Variants in ZFHX3 observed in about 807,000 individuals in gnomAD.
ZFHX3 encodes zinc finger homeobox 3.
ZFHX3 carries 42 observed loss-of-function variants against 279.1 expected under a neutral mutation model. The observed-to-expected ratio is 0.15, with a 90% CI of 0.12 to 0.19. The LOEUF is 0.19. ZFHX3 is among the 10% of genes least tolerant of loss of function. The pLI, the probability that ZFHX3 is intolerant of heterozygous loss-of-function variation, is 1.00. For missense variants in ZFHX3, 4,981 were observed against 4,754.0 expected (o/e 1.05, Z -1.40); for synonymous variants, 2,293 against 1,957.8 (o/e 1.17, Z -4.52).
chr16:73,643,499 C>T (rs1025326274), intron 2 of ZFHX3, among the ~76,000 whole-genome samples: 6 of 152,284 alleles, frequency 3.9e-5, no homozygotes, highest in African/African-American at 1.2e-4. Context: ...CACAGCACAC[C>T]TTTTAAAAAA....
At chr16:72,848,539 CTCTGGGCTGTCACCT>C (rs2143823831) in intron 4 of ZFHX3, among the ~76,000 whole-genome samples, 1 of 152,230 alleles carries the variant, frequency 6.6e-6, no homozygotes, top group South Asian at 2.1e-4. Context: ...GTTCCAGGCC[CTCTGGGCTGTCACCT>C]TCACTGTGGC....
At chr16:73,300,524 G>C (rs79501458) in intron 4 of ZFHX3, among the ~76,000 whole-genome samples, 1 of 150,416 alleles carries the variant, frequency 6.6e-6, no homozygotes, top group Admixed American at 6.6e-5. Context: ...TTTTTTTTTG[G>C]ACAGAATCTC....
rs879800587 is a variant in ZFHX3, at chr16:73,623,282, C to T, written c.-1547+56898G>A. Among the ~76,000 whole-genome samples, 4 of 152,098 alleles carry T rather than the reference C, an allele frequency of 2.6e-5. No homozygotes were observed. The East Asian group carries it at 5.8e-4, about 22-fold the overall frequency. Reference sequence around the variant, plus strand: ...CAATCTCCTGACCTCGTGATCCGCCCGCCTCGGCCTCCCAAAGCACTGGGA... The same window carrying T: ...CAATCTCCTGACCTCGTGATCCGCCTGCCTCGGCCTCCCAAAGCACTGGGA... On this transcript the variant is annotated intron_variant, in intron 2 of 17. Coordinates refer to the ZFHX3 transcript ENST00000641206.
chr16:73,735,478 A>T (rs1011880388), intron 1 of ZFHX3, among the ~76,000 whole-genome samples: 2 of 151,880 alleles, frequency 1.3e-5, no homozygotes, highest in East Asian at 3.9e-4. Context: ...TACTCTAGGT[A>T]TCTCAAATAA....
At position 72,787,417 on chromosome 16, in the gene ZFHX3, A is replaced by C. The variant is rs745461897; in HGVS notation, c.10859T>G (p.Val3620Gly). 61 of 1,576,556 alleles carry C rather than the reference A, an allele frequency of 3.9e-5. No homozygotes were observed. Among genetic ancestry groups the C allele is most frequent in the Non-Finnish European group, 4.8e-5 (55 of 1,157,888 alleles). Residue 3620 changes from valine to glycine, a missense_variant, in exon 10 of 10, where the codon GTG becomes GGG. Transcript: ENST00000268489. ...PHASRKSWPQ[V>G]VSRASAAKPP... Reference sequence around the variant, plus strand: ...CTTCGCTGCCGAAGCCCGGGAGACCACTTGCGGCCAAGACTTCCTGGAGGC... The same window carrying C: ...CTTCGCTGCCGAAGCCCGGGAGACCCCTTGCGGCCAAGACTTCCTGGAGGC...
At chr16:73,499,520 G>A (rs1037699557) in intron 2 of ZFHX3, 9 of 152,200 alleles carry the variant, frequency 5.9e-5, no homozygotes, top group African/African-American at 1.2e-4. Context: ...GAAGACAGCT[G>A]AATTGCCTTC....
intron 3 of ZFHX3, among the ~76,000 whole-genome samples, chr16:72,913,942 C>T (rs2039380393): frequency 6.6e-6 from 1 of 152,176 alleles, no homozygotes; most frequent in African/African-American, 2.4e-5. Context: ...TAATCCCCAC[C>T]ACAGCCAGAT....
chr16:73,789,782 G>T (rs1217779348), intron 1 of ZFHX3, among the ~76,000 whole-genome samples: 2 of 151,934 alleles, frequency 1.3e-5, no homozygotes, highest in Non-Finnish European at 2.9e-5. Flanking sequence ...TTTCTAAAAT[G>T]GACACTCAAG....
At chr16:73,569,873 G>A (rs2143804271) in intron 2 of ZFHX3, among the ~76,000 whole-genome samples, 1 of 152,150 alleles carries the variant, frequency 6.6e-6, no homozygotes, top group East Asian at 1.9e-4. Flanking sequence ...TGCATATTTG[G>A]AAAGTAAAAG....
At chr16:72,842,913 A>C (rs2037379581) in intron 4 of ZFHX3, among the ~76,000 whole-genome samples, 1 of 152,202 alleles carries the variant, frequency 6.6e-6, no homozygotes, top group South Asian at 2.1e-4. Context: ...GAAAAGATAA[A>C]AGGGACATTG....
chr16:73,204,955 C>T (rs914197260), intron 5 of ZFHX3, among the ~76,000 whole-genome samples: 3 of 152,272 alleles, frequency 2.0e-5, no homozygotes, highest in African/African-American at 7.2e-5. Flanking sequence ...TAACCATTAA[C>T]TTACAAGGGA....
chr16:73,405,605 A>C (rs2017344043), intron 3 of ZFHX3, among the ~76,000 whole-genome samples: 1 of 147,408 alleles, frequency 6.8e-6, no homozygotes. Context: ...TTTTTTTTTT[A>C]AGAAATAAAA....
At chr16:73,375,975 A>T (rs1276720145) in intron 3 of ZFHX3, among the ~76,000 whole-genome samples, 1 of 152,174 alleles carries the variant, frequency 6.6e-6, no homozygotes, top group Non-Finnish European at 1.5e-5. Context: ...AGCTTTCTAA[A>T]TTTTACTTTT....
chr16:73,602,937 C>T (rs56274730), intron 2 of ZFHX3, among the ~76,000 whole-genome samples: 344 of 143,932 alleles, frequency 2.4e-3, no homozygotes, highest in East Asian at 7.3e-3. Context: ...GACTCTGACT[C>T]AAAAAAAAAA....
chr16:73,539,673 T>A (rs1025045163), intron 2 of ZFHX3, among the ~76,000 whole-genome samples: 30 of 152,214 alleles, frequency 2.0e-4, no homozygotes, highest in Middle Eastern at 3.4e-3. Context: ...ATTACTGACC[T>A]TATTTGATGC....
intron 4 of ZFHX3, among the ~76,000 whole-genome samples, chr16:73,301,675 T>A (rs1157442995): frequency 1.3e-5 from 2 of 151,806 alleles, no homozygotes. Flanking sequence ...GAGAGAAAGA[T>A]CATTGCCAAG....
intron 2 of ZFHX3, among the ~76,000 whole-genome samples, chr16:73,548,238 A>C (rs1258707866): frequency 2.6e-5 from 4 of 152,248 alleles, no homozygotes; most frequent in Non-Finnish European, 4.4e-5. Context: ...AAAAGCACTC[A>C]AATTCTCAGA....
upstream of ZFHX3, among the ~76,000 whole-genome samples, chr16:73,049,655 C>T (rs528357900): frequency 1.2e-3 from 181 of 151,982 alleles, no homozygotes; most frequent in Non-Finnish European, 2.1e-3. Context: ...GAATCATGTC[C>T]GATTAGGGAC....
chr16:73,541,683 G>T (rs1260408602), intron 2 of ZFHX3, among the ~76,000 whole-genome samples: 2 of 151,060 alleles, frequency 1.3e-5, no homozygotes, highest in Non-Finnish European at 2.9e-5. Flanking sequence ...ACGCTTGGAT[G>T]AGAGAGAGGC....
Sources: gnomAD v4.1 joint callset for allele counts (sites outside exome capture counted in the v4.1 genomes callset) on GRCh38, gnomAD v4.1.1 for gene constraint, MANE v1.5 for transcripts, NCBI Gene and HGNC (gene_info 2026-07-23, HGNC 2026-07-21) for gene names.